Variants in ATP11B observed in about 807,000 individuals in gnomAD.
ATP11B encodes ATPase phospholipid transporting 11B (putative).
ATP11B carries 81 observed loss-of-function variants against 157.8 expected under a neutral mutation model. The ratio of observed to expected loss-of-function variants is 0.51; its 90% CI spans 0.43 to 0.62. The LOEUF (loss-of-function observed/expected upper bound fraction) is 0.62, where lower values mean the gene tolerates loss of function less well. Ranked by LOEUF, ATP11B falls within the 20% of genes least tolerant of loss-of-function variation. The probability of loss-of-function intolerance (pLI) is 0.00; values close to 1 mark genes in which losing one functional copy is unlikely to be tolerated. For missense variants in ATP11B, 1,165 were observed against 1,402.2 expected (o/e 0.83, Z 2.70); for synonymous variants, 451 against 469.4 (o/e 0.96, Z 0.51).
chr3:182,813,890 G>T (rs1427488893), intron 1 of ATP11B, among the ~76,000 whole-genome samples: 2 of 151,776 alleles, frequency 1.3e-5, no homozygotes, highest in African/African-American at 2.4e-5. Context: ...ACCCCATCCG[G>T]CTAATTTTTC....
At position 182,914,675 on chromosome 3, in the gene ATP11B, G is replaced by A. The variant is rs187501440; in HGVS notation, c.3452+681G>A. 7.5e-5 allele frequency: 74 copies of A among 985,312 alleles called. No individual in the cohort carries two copies. In the African/African-American group the frequency reaches 1.3e-3, roughly 17 times the overall value. The allele number at this position is 985,312 out of a possible 1,614,324, so 61.0% of individuals were successfully genotyped here. On this transcript the variant is annotated intron_variant, in intron 29 of 29. Coordinates refer to ENST00000323116, the MANE Select transcript of ATP11B (RefSeq NM_014616.3). ...CCCCTCCTAAATCTGTTTCTTGAATGAGATTTATCACCATGCCTGCTGTTG... is the reference window on the plus strand; with the variant it reads ...CCCCTCCTAAATCTGTTTCTTGAATAAGATTTATCACCATGCCTGCTGTTG...
chr3:182,918,066 A>G lies in ATP11B; in HGVS notation c.3496A>G (p.Ile1166Val), dbSNP rs1725252516. ...TCCTTTCTATACCAACGACAGGAGC[A>G]TCTTGACTCTCTCCACAATGGACTC... ...SDPFYTNDRS[I>V]LTLSTMDSST... The change falls in exon 30 of 30, where the codon ATC becomes GTC. Residue 1166 changes from isoleucine to valine, a missense_variant. Transcript: ENST00000323116. 6.2e-7 allele frequency: 1 copy of G among 1,613,416 alleles called. No individual in the cohort carries two copies. Among genetic ancestry groups the G allele is most frequent in the African/African-American group, 1.3e-5 (1 of 74,888 alleles).
intron 1 of ATP11B, among the ~76,000 whole-genome samples, chr3:182,799,659 AT>A (rs941926682): frequency 1.3e-5 from 2 of 152,094 alleles, no homozygotes; most frequent in African/African-American, 2.4e-5. Flanking sequence ...TTTAATTTTA[AT>A]TTTTTTATTC....
chr3:182,829,199 G>T (rs977410430), intron 3 of ATP11B, among the ~76,000 whole-genome samples: 10 of 152,098 alleles, frequency 6.6e-5, no homozygotes, highest in African/African-American at 2.4e-4. Flanking sequence ...CAAATTTAAT[G>T]GGCCTATCCG....
intron 1 of ATP11B, among the ~76,000 whole-genome samples, chr3:182,804,537 T>C (rs1016769232): frequency 1.3e-5 from 2 of 152,184 alleles, no homozygotes; most frequent in Non-Finnish European, 2.9e-5. Flanking sequence ...CTGGCAGGAA[T>C]TTAGATTTCT....
chr3:182,844,019 T>A (rs1314184865), intron 8 of ATP11B: 6 of 152,188 alleles, frequency 3.9e-5, no homozygotes. Context: ...GGATACATAG[T>A]CTGAGTTGCA....
chr3:182,881,295 G>A (rs867053604), intron 21 of ATP11B, among the ~76,000 whole-genome samples: 5 of 152,078 alleles, frequency 3.3e-5, no homozygotes, highest in African/African-American at 9.7e-5. Flanking sequence ...TTAGCCAGGC[G>A]TGGTGGCACG....
chr3:182,863,429 G>A (rs1250727888), intron 12 of ATP11B, among the ~76,000 whole-genome samples: 1 of 151,778 alleles, frequency 6.6e-6, no homozygotes, highest in Non-Finnish European at 1.5e-5. Context: ...CTCACATTGT[G>A]TATGCATACT....
chr3:182,876,134 T>A (rs1722023690), intron 19 of ATP11B, among the ~76,000 whole-genome samples: 1 of 151,990 alleles, frequency 6.6e-6, no homozygotes. Context: ...TCCCAGTTAC[T>A]CCGAAAGCTG....
At chr3:182,884,305 A>C (rs903237960) in intron 21 of ATP11B, among the ~76,000 whole-genome samples, 1 of 152,214 alleles carries the variant, frequency 6.6e-6, no homozygotes, top group South Asian at 2.1e-4. Context: ...TGACTTATTC[A>C]TGGAAGTGTT....
intron 17 of ATP11B, among the ~76,000 whole-genome samples, chr3:182,871,819 CTTT>C (rs745352501): frequency 1.4e-5 from 2 of 145,356 alleles, no homozygotes; most frequent in Admixed American, 6.9e-5. Context: ...TTTTGAGCAA[CTTT>C]TTTTTTTTTT....
At chr3:182,865,084 A>C (rs1721127739) in intron 12 of ATP11B, among the ~76,000 whole-genome samples, 2 of 152,054 alleles carry the variant, frequency 1.3e-5, no homozygotes, top group Non-Finnish European at 2.9e-5. Flanking sequence ...TTCCCATTCT[A>C]CATTATTAAG....
intron 1 of ATP11B, among the ~76,000 whole-genome samples, chr3:182,810,112 A>G (rs934737750): frequency 1.3e-5 from 2 of 152,178 alleles, no homozygotes; most frequent in African/African-American, 4.8e-5. Context: ...CGAGCAGATC[A>G]CTTGAGATCA....
intron 3 of ATP11B, 114 bp downstream of exon 3, chr3:182,828,323 T>C (rs1717866598): frequency 2.0e-6 from 1 of 495,612 alleles, no homozygotes; most frequent in African/African-American, 2.0e-5. Context: ...CCATTTTTTC[T>C]GCAGTGCTTC....
rs1047854778 is a variant in ATP11B, at chr3:182,845,360, T to C, written c.705-98T>C. ...TTGGTTTTATATGAAAGTGGTGTTA[T>C]GGCTATAGCTTAAGTACCTTCTGCT... On this transcript the variant is annotated intron_variant, in intron 8 of 29. Transcript: ENST00000323116. 9 of 1,028,750 alleles carry C rather than the reference T, an allele frequency of 8.7e-6. No homozygotes were observed. The African/African-American group carries it at 1.0e-4, about 12-fold the overall frequency. 63.7% of individuals were successfully genotyped at this position (1,028,750 alleles called of 1,614,324 possible). A position where few individuals can be genotyped will look rare whatever the true frequency, so the allele number is the denominator to read the frequency against.
At chr3:182,828,905 A>G (rs550904279) in intron 3 of ATP11B, among the ~76,000 whole-genome samples, 2 of 152,144 alleles carry the variant, frequency 1.3e-5, no homozygotes, top group South Asian at 2.1e-4. Flanking sequence ...TGTAGCATCA[A>G]ATATATAAAC....
chr3:182,803,449 C>G (rs75890845), intron 1 of ATP11B, among the ~76,000 whole-genome samples: 11 of 152,004 alleles, frequency 7.2e-5, no homozygotes, highest in Admixed American at 6.6e-4. Flanking sequence ...CTAGTCTGTT[C>G]CGTGTATTTA....
chr3:182,835,911 A>G, intron 4 of ATP11B, 124 bp from the exon 5 acceptor site: 2 of 652,624 alleles, frequency 3.1e-6, no homozygotes, highest in Admixed American at 3.1e-5. Context: ...ATGTGCATCC[A>G]AATAGCCTCA....
At chr3:182,864,296 T>C (rs1265104765) in intron 12 of ATP11B, among the ~76,000 whole-genome samples, 4 of 152,146 alleles carry the variant, frequency 2.6e-5, no homozygotes, top group African/African-American at 7.2e-5. Context: ...TTAAGTACAA[T>C]GTTGAGTAAA....
Sources: allele counts gnomAD v4.1 joint callset (sites outside exome capture counted in the v4.1 genomes callset), GRCh38; gene constraint gnomAD v4.1.1; transcripts MANE v1.5; gene names NCBI Gene and HGNC (gene_info 2026-07-23, HGNC 2026-07-21).